MRPS23: variants seen among roughly 807,000 people sequenced by gnomAD.
MRPS23 encodes mitochondrial ribosomal protein S23, also known as small ribosomal subunit protein mS23.
Under a neutral mutation model 19.8 loss-of-function variants are expected in MRPS23, and 14 were observed. The ratio of observed to expected loss-of-function variants is 0.71; its 90% CI spans 0.47 to 1.11. The LOEUF is 1.11. Ranked by LOEUF, MRPS23 falls within the 50% of genes least tolerant of loss-of-function variation. The pLI, the probability that MRPS23 is intolerant of heterozygous loss-of-function variation, is 0.00. For missense variants in MRPS23, 242 were observed against 236.7 expected (o/e 1.02, Z -0.15); for synonymous variants, 113 against 89.7 (o/e 1.26, Z -1.47).
Position 57,849,158 on chromosome 17 carries a change from T to C in MRPS23, c.215+82A>G, listed in dbSNP as rs2073795374. ...AGGGCAAACCCCTGACTCAATTTCATGTTTGAATTCCCAGACTGCTACCGA... is the reference window on the plus strand; with the variant it reads ...AGGGCAAACCCCTGACTCAATTTCACGTTTGAATTCCCAGACTGCTACCGA... On this transcript the variant is annotated intron_variant, in intron 2 of 4. Transcript: ENST00000313608. The C allele has an allele frequency of 2.0e-6, 3 of 1,535,730 alleles. No individual in the cohort carries two copies. In the South Asian group the frequency reaches 3.7e-5, roughly 19 times the overall value.
intron 2 of MRPS23, among the ~76,000 whole-genome samples, chr17:57,842,440 A>G (rs1246464109): frequency 1.3e-5 from 2 of 152,204 alleles, no homozygotes; most frequent in African/African-American, 2.4e-5. Flanking sequence ...GTATCTGAGC[A>G]GTCACTCCCC....
At position 57,835,980 on chromosome 17, in the gene MRPS23, GTC is replaced by G. The variant is rs1173319848; in HGVS notation, c.*3801_*3802del. On this transcript the variant is annotated 3_prime_UTR_variant, in exon 5 of 5. Coordinates refer to ENST00000313608, the MANE Select transcript of MRPS23 (RefSeq NM_016070.4). ...TTTTTTTTTTTTTTTTTGAGACAGT[GTC>G]TCTCTTCTGTCGCCCAGGCTGGGGT... The G allele has an allele frequency of 7.3e-6, 1 of 137,768 alleles. No individual in the cohort carries two copies. Among genetic ancestry groups the G allele is most frequent in the Admixed American group, 7.7e-5 (1 of 12,976 alleles). 8.5% of individuals were successfully genotyped at this position (137,768 alleles called of 1,614,324 possible).
chr17:57,840,821 A>G lies in MRPS23; in HGVS notation c.420+105T>C. The G allele has an allele frequency of 8.3e-6, 12 of 1,437,780 alleles. 1 individual carries two copies. The South Asian group carries it at 1.6e-4, about 19-fold the overall frequency. The allele number at this position is 1,437,780 out of a possible 1,614,324, so 89.1% of individuals were successfully genotyped here. A position where few individuals can be genotyped will look rare whatever the true frequency, so the allele number is the denominator to read the frequency against. Reference sequence around the variant, plus strand: ...CACAGCACTTTATAAAAGGTATTTCAGCATCTGTGAATATTGGTATCTGCA... The same window carrying G: ...CACAGCACTTTATAAAAGGTATTTCGGCATCTGTGAATATTGGTATCTGCA... On this transcript the variant is annotated intron_variant, in intron 4 of 4. Transcript: ENST00000313608.
Position 57,849,267 on chromosome 17 carries a change from A to G in MRPS23, c.188T>C (p.Ile63Thr). The change falls in exon 2 of 5, where the codon ATC (isoleucine) becomes ACC (threonine). Residue 63 changes from isoleucine to threonine, a missense_variant. Coordinates refer to ENST00000313608, the MANE Select transcript of MRPS23 (RefSeq NM_016070.4). ...TCTAATCCGATCCTCGTGGTACCAGATGTCTTGGATGGGAGCTTTGGCTTT... is the reference window on the plus strand; with the variant it reads ...TCTAATCCGATCCTCGTGGTACCAGGTGTCTTGGATGGGAGCTTTGGCTTT... ...YGKAKAPIQD[I>T]WYHEDRIRAK... is the part of the protein sequence containing the mutation. The G allele has an allele frequency of 1.2e-6, 2 of 1,614,164 alleles. No homozygotes were observed. The highest frequency in any genetic ancestry group is 1.7e-6 in the Non-Finnish European group (2 of 1,180,024).
Position 57,849,347 on chromosome 17 carries a change from G to A in MRPS23, c.108C>T (p.Asp36=), listed in dbSNP as rs767472117. ...KEKPLWFDVY[D]AFPPLREPVF... is the part of the protein sequence containing the mutation. ...CGGGCTCCCTCAGCGGGGGAAAGGC[G>A]TCATATACGTCAAACCACAGGGGCT... Residue 36 remains aspartate, a synonymous_variant, in exon 2 of 5, where the codon GAC becomes GAT. Transcript: ENST00000313608. 1.9e-6 allele frequency: 3 copies of A among 1,614,184 alleles called. No homozygotes were observed. Among genetic ancestry groups the A allele is most frequent in the Middle Eastern group, 1.6e-4 (1 of 6,062 alleles).
intron 2 of MRPS23, among the ~76,000 whole-genome samples, chr17:57,841,899 A>G (rs1005739837): frequency 1.3e-5 from 2 of 152,238 alleles, no homozygotes; most frequent in African/African-American, 4.8e-5. Context: ...GTAAGTGGAG[A>G]GCGCACCATT....
intron 1 of MRPS23, 78 bp downstream of exon 1, chr17:57,849,889 T>A: frequency 6.6e-7 from 1 of 1,515,636 alleles, no homozygotes; most frequent in South Asian, 1.2e-5. Context: ...TCAGGTCCGC[T>A]CCAAGGAAGA....
chr17:57,846,190 C>T (rs541319378), intron 2 of MRPS23, among the ~76,000 whole-genome samples: 24 of 150,772 alleles, frequency 1.6e-4, no homozygotes, highest in Admixed American at 2.6e-4. Context: ...CCAGCCGCCC[C>T]GTCCGGGAGG....
intron 2 of MRPS23, among the ~76,000 whole-genome samples, chr17:57,847,533 G>A (rs1248356494): frequency 2.0e-5 from 3 of 151,010 alleles, no homozygotes; most frequent in Admixed American, 6.6e-5. Context: ...GTGGTGGTGG[G>A]CGCCTGTAGT....
At position 57,839,081 on chromosome 17, in the gene MRPS23, G is replaced by A. The variant is rs1278601957; in HGVS notation, c.*702C>T. 2.0e-5 allele frequency: 3 copies of A among 152,216 alleles called. No individual in the cohort carries two copies. The highest frequency in any genetic ancestry group is 4.4e-5 in the Non-Finnish European group (3 of 68,042). 9.4% of individuals were successfully genotyped at this position (152,216 alleles called of 1,614,324 possible). A position where few individuals can be genotyped will look rare whatever the true frequency, so the allele number is the denominator to read the frequency against. On this transcript the variant is annotated 3_prime_UTR_variant, in exon 5 of 5. Coordinates refer to ENST00000313608, the MANE Select transcript of MRPS23 (RefSeq NM_016070.4). Reference sequence around the variant, plus strand: ...AGCTGCCTCCTTTCTTGGCAATCCTGTTATCTACACCATATGAATCCAGTC... The same window carrying A: ...AGCTGCCTCCTTTCTTGGCAATCCTATTATCTACACCATATGAATCCAGTC...
At chr17:57,848,111 G>C (rs372093839) in intron 2 of MRPS23, among the ~76,000 whole-genome samples, 1 of 151,598 alleles carries the variant, frequency 6.6e-6, no homozygotes, top group African/African-American at 2.4e-5. Context: ...TTTTGGTAGA[G>C]ACAAGTCCTG....
At chr17:57,849,559 T>A (rs1216584484) in intron 1 of MRPS23, 149 bp from the exon 2 acceptor site, 1 of 962,886 alleles carries the variant, frequency 1.0e-6, no homozygotes. Context: ...AGAGAAGATC[T>A]GTCCACATCC....
In MRPS23 at chr17:57,849,306, C is replaced by CT. The variant is rs1264398740; in HGVS notation, c.148_149insA (p.Arg50GlnfsTer22). ...AGCTTTGGCTTTGCCATATCGCACT[C>CT]GAGGCCTTTGGAAGACGGGCTCCCT... On this transcript the variant is annotated frameshift_variant, in exon 2 of 5. Transcript: ENST00000313608. LOFTEE classifies it high-confidence loss of function. 1 of 1,614,100 alleles carries CT rather than the reference C, an allele frequency of 6.2e-7. No homozygotes were observed. Among genetic ancestry groups the CT allele is most frequent in the East Asian group, 2.2e-5 (1 of 44,904 alleles).
chr17:57,841,339 A>T (rs777859061), intron 2 of MRPS23, 79 bp from the exon 3 acceptor site: 93 of 1,468,856 alleles, frequency 6.3e-5, no homozygotes, highest in Non-Finnish European at 8.5e-5. Flanking sequence ...ATAAAGAATA[A>T]GTGCTAGGCA....
intron 1 of MRPS23, 140 bp from the exon 2 acceptor site, chr17:57,849,550 G>C: frequency 9.9e-7 from 1 of 1,013,860 alleles, no homozygotes; most frequent in Non-Finnish European, 1.4e-6. Context: ...CCCACCTACA[G>C]AGAAGATCTG....
intron 3 of MRPS23, 41 bp downstream of exon 3, chr17:57,841,142 A>G: frequency 6.2e-7 from 1 of 1,609,444 alleles, no homozygotes; most frequent in Non-Finnish European, 8.5e-7. Flanking sequence ...AAAATCCTTA[A>G]AAAATAATAT....
At chr17:57,845,432 AAAC>A (rs1412551793) in intron 2 of MRPS23, among the ~76,000 whole-genome samples, 2 of 152,302 alleles carry the variant, frequency 1.3e-5, no homozygotes, top group East Asian at 3.9e-4. Context: ...TAGCATCCTG[AAAC>A]AACAGTAAGA....
At chr17:57,841,374 C>T in intron 2 of MRPS23, 114 bp from the exon 3 acceptor site, 1 of 1,063,598 alleles carries the variant, frequency 9.4e-7, no homozygotes, top group Non-Finnish European at 1.4e-6. Flanking sequence ...ACGGTATAAC[C>T]CACATAGCCT....
In MRPS23 at chr17:57,849,956, G is replaced by T; in HGVS notation, c.44+11C>A. The T allele has an allele frequency of 6.3e-7, 1 of 1,585,776 alleles. No individual in the cohort carries two copies. On this transcript the variant is annotated intron_variant, in intron 1 of 4. Transcript: ENST00000313608. Reference sequence around the variant, plus strand: ...AGGCACCCTCAGCCCACCACGGCTGGGAGCACACACCGAGAGAAGATGCTC... The same window carrying T: ...AGGCACCCTCAGCCCACCACGGCTGTGAGCACACACCGAGAGAAGATGCTC...
Sources: allele counts gnomAD v4.1 joint callset (sites outside exome capture counted in the v4.1 genomes callset), GRCh38; gene constraint gnomAD v4.1.1; transcripts MANE v1.5; gene names NCBI Gene and HGNC (gene_info 2026-07-23, HGNC 2026-07-21).